Variants in PDE3B observed in about 807,000 individuals in gnomAD.
The protein encoded by PDE3B is cGMP-inhibited 3',5'-cyclic phosphodiesterase 3B.
PDE3B carries 66 observed loss-of-function variants against 116.8 expected under a neutral mutation model. That is an observed-to-expected ratio of 0.56 (90% confidence interval 0.46 to 0.69). The LOEUF (loss-of-function observed/expected upper bound fraction) is 0.69, where lower values mean the gene tolerates loss of function less well. Among genes scored for constraint, PDE3B ranks in the 30% least tolerant of loss-of-function variants. The pLI is 0.00. For synonymous variants in PDE3B, 595 were observed against 533.6 expected (o/e 1.12, Z -1.59); for missense variants, 1,384 against 1,368.1 (o/e 1.01, Z -0.18).
At chr11:14,680,064 G>A (rs749459571) in intron 1 of PDE3B, among the ~76,000 whole-genome samples, 91 of 152,284 alleles carry the variant, frequency 6.0e-4, no homozygotes, top group Admixed American at 3.6e-3. Flanking sequence ...GGGAAAACAT[G>A]CAAAGCGGCA....
Position 14,830,830 on chromosome 11 carries a change from G to A in PDE3B, c.1940G>A (p.Ser647Asn), listed in dbSNP as rs2133962214. The A allele has an allele frequency of 1.3e-6, 2 of 1,501,982 alleles. No homozygotes were observed. Among genetic ancestry groups the A allele is most frequent in the Non-Finnish European group, 8.9e-7 (1 of 1,129,896 alleles). 93.0% of individuals were successfully genotyped at this position (1,501,982 alleles called of 1,614,324 possible). ...AAGTGGCTAACAGAAGAGGCACAGA[G>A]TGAACAGCAAACAAATGTAAAAGAT... The part of the protein sequence containing the change: ...GDKWLTEEAQ[S>N]EQQTNIEQEV... Residue 647 changes from serine (S) to asparagine (N), a missense_variant, in exon 8 of 16, where the codon AGT becomes AAT. This residue lies in a region of PDE3B where 956 missense variants were observed against 806.8 expected (regional missense o/e 1.18). Transcript: ENST00000282096.
At chr11:14,654,448 G>A (rs1266744462) in intron 1 of PDE3B, among the ~76,000 whole-genome samples, 1 of 152,010 alleles carries the variant, frequency 6.6e-6, no homozygotes, top group South Asian at 2.1e-4. Flanking sequence ...TCAGTGCCCC[G>A]CAAAACTATC....
chr11:14,872,258 G>T (rs1848151528), downstream of PDE3B, among the ~76,000 whole-genome samples: 1 of 152,200 alleles, frequency 6.6e-6, no homozygotes, highest in African/African-American at 2.4e-5. Flanking sequence ...ATAGTTGCCA[G>T]ATTAATATAA....
intron 14 of PDE3B, among the ~76,000 whole-genome samples, chr11:14,866,061 C>T (rs1848039667): frequency 6.6e-6 from 1 of 152,076 alleles, no homozygotes; most frequent in Non-Finnish European, 1.5e-5. Context: ...TGCCAGTTTC[C>T]TCATTGATAA....
chr11:14,849,384 C>G (rs1439469299), intron 12 of PDE3B, among the ~76,000 whole-genome samples: 1 of 151,918 alleles, frequency 6.6e-6, no homozygotes, highest in African/African-American at 2.4e-5. Context: ...CATAAAAACC[C>G]TAGAAGAAAA....
At chr11:14,894,836 C>T in the PDE3B span, among the ~76,000 whole-genome samples, 1 of 152,180 alleles carries the variant, frequency 6.6e-6, no homozygotes, top group African/African-American at 2.4e-5. Context: ...TGATAGAAAA[C>T]AATCAATAAT....
At chr11:14,806,858 CAAAAAAAAA>C (rs953411145) in intron 5 of PDE3B, among the ~76,000 whole-genome samples, 33 of 45,910 alleles carry the variant, frequency 7.2e-4, no homozygotes, top group African/African-American at 2.4e-3. Context: ...GACTCCGTCT[CAAAAAAAAA>C]AAAAAAAAAA....
chr11:14,859,284 T>A lies in PDE3B; in HGVS notation c.2724+38T>A, dbSNP rs549314832. On this transcript the variant is annotated intron_variant, in intron 13 of 15. Coordinates refer to ENST00000282096, the MANE Select transcript of PDE3B (RefSeq NM_000922.4). ...AATTAGTGCCTGATTTAAAAAATCT[T>A]TATTGTCAGTGTTACTGATAAAATA... 2.1e-6 allele frequency: 3 copies of A among 1,402,962 alleles called. No individual in the cohort carries two copies. The South Asian group carries it at 3.7e-5, about 17-fold the overall frequency. 86.9% of individuals were successfully genotyped at this position (1,402,962 alleles called of 1,614,324 possible).
intron 1 of PDE3B, among the ~76,000 whole-genome samples, chr11:14,651,933 T>C (rs1413344939): frequency 6.6e-6 from 1 of 152,186 alleles, no homozygotes; most frequent in African/African-American, 2.4e-5. Flanking sequence ...CCTGTATTGA[T>C]AGTGTCCATT....
intron 1 of PDE3B, among the ~76,000 whole-genome samples, chr11:14,706,601 A>G (rs1855542462): frequency 6.6e-6 from 1 of 151,982 alleles, no homozygotes; most frequent in Non-Finnish European, 1.5e-5. Context: ...GACCTTGGCT[A>G]TTTTAATATA....
At chr11:14,740,354 A>G (rs2133864459) in intron 1 of PDE3B, among the ~76,000 whole-genome samples, 1 of 152,274 alleles carries the variant, frequency 6.6e-6, no homozygotes, top group Non-Finnish European at 1.5e-5. Flanking sequence ...CCGGGAATTT[A>G]TCCATTTCTT....
At chr11:14,847,044 T>G (rs1453700052) in intron 12 of PDE3B, among the ~76,000 whole-genome samples, 1 of 152,228 alleles carries the variant, frequency 6.6e-6, no homozygotes. Context: ...TACATTTTTT[T>G]CAGCACCAGA....
At chr11:14,721,229 A>G (rs995273803) in intron 1 of PDE3B, among the ~76,000 whole-genome samples, 23 of 152,326 alleles carry the variant, frequency 1.5e-4, no homozygotes, top group African/African-American at 5.1e-4. Context: ...ATGAGATACC[A>G]TCTCACACCA....
chr11:14,805,815 T>G (rs1301607736), intron 5 of PDE3B, among the ~76,000 whole-genome samples: 1 of 152,090 alleles, frequency 6.6e-6, no homozygotes, highest in Non-Finnish European at 1.5e-5. Flanking sequence ...TGTTGATGGG[T>G]CAAAAAGTTG....
intron 1 of PDE3B, among the ~76,000 whole-genome samples, chr11:14,724,850 C>A (rs1037888101): frequency 2.6e-5 from 4 of 152,168 alleles, no homozygotes; most frequent in African/African-American, 9.7e-5. Context: ...TAGAAGGATT[C>A]TTTCACTCAT....
chr11:14,891,828 AC>A, the PDE3B span: 3 of 966,324 alleles, frequency 3.1e-6, no homozygotes, highest in Non-Finnish European at 3.7e-6. Flanking sequence ...TCCCTTCCAG[AC>A]CCGGGAAGCG....
intron 1 of PDE3B, among the ~76,000 whole-genome samples, chr11:14,660,148 A>T (rs544608221): frequency 3.3e-4 from 51 of 152,338 alleles, no homozygotes; most frequent in South Asian, 2.1e-4. Context: ...CCATTCTGGA[A>T]GACAGAGGAT....
chr11:14,810,917 A>T (rs1366004922), intron 5 of PDE3B, among the ~76,000 whole-genome samples: 1 of 148,270 alleles, frequency 6.7e-6, no homozygotes, highest in African/African-American at 2.5e-5. Context: ...TCGGATGGCC[A>T]GTGATGATGA....
the PDE3B span, among the ~76,000 whole-genome samples, chr11:14,897,498 G>T: frequency 2.0e-5 from 3 of 152,296 alleles, no homozygotes; most frequent in Non-Finnish European, 4.4e-5. Flanking sequence ...GTCATTTGTG[G>T]AGGTTGTCCA....
Sources: gnomAD v4.1 joint callset for allele counts (sites outside exome capture counted in the v4.1 genomes callset) on GRCh38, gnomAD v4.1.1 for gene constraint, gnomAD v4.1.1 regional missense constraint, MANE v1.5 for transcripts, NCBI Gene and HGNC (gene_info 2026-07-23, HGNC 2026-07-21) for gene names.